The following CBX5 variants were observed in gnomAD, a reference collection of about 807,000 sequenced individuals.
CBX5 encodes chromobox 5.
A neutral mutation model predicts 20.7 loss-of-function variants in CBX5; 7 were observed. The ratio of observed to expected loss-of-function variants is 0.34; its 90% confidence interval spans 0.19 to 0.63. CBX5 has a LOEUF of 0.63. CBX5 is among the 30% of genes least tolerant of loss of function. The probability of loss-of-function intolerance (pLI) is 0.75; values close to 1 mark genes in which losing one functional copy is unlikely to be tolerated. For missense variants in CBX5, 110 were observed against 224.1 expected (o/e 0.49, Z 3.25); for synonymous variants, 78 against 77.0 (o/e 1.01, Z -0.07).
chr12:54,237,207 T>C lies in CBX5; in HGVS notation c.*4548A>G, dbSNP rs556625958. 3 of 152,264 alleles carry C rather than the reference T, an allele frequency of 2.0e-5. No individual in the cohort carries two copies. The highest frequency in any genetic ancestry group is 3.9e-4 in the East Asian group (2 of 5,182). 9.4% of individuals were successfully genotyped at this position (152,264 alleles called of 1,614,324 possible). ...TCCACTATTCTGTCTATAATGAGAA[T>C]ATATCAATAGCAGGAAATCTACTTT... On this transcript the variant is annotated 3_prime_UTR_variant, in exon 5 of 5. Coordinates refer to ENST00000209875, the MANE Select transcript of CBX5 (RefSeq NM_012117.3).
intron 1 of CBX5, among the ~76,000 whole-genome samples, chr12:54,268,068 C>T (rs892801294): frequency 6.6e-6 from 1 of 152,064 alleles, no homozygotes; most frequent in Non-Finnish European, 1.5e-5. Context: ...CGCTTGAACC[C>T]GGGAGACGGA....
At chr12:54,258,628 TGCACACCAGGGG>T (rs1700126349) in intron 1 of CBX5, among the ~76,000 whole-genome samples, 1 of 152,228 alleles carries the variant, frequency 6.6e-6, no homozygotes, top group Non-Finnish European at 1.5e-5. Flanking sequence ...CTCAGAAATA[TGCACACCAGGGG>T]GTACTCAACA....
chr12:54,236,928 G>C lies in CBX5; in HGVS notation c.*4827C>G, dbSNP rs961243470. The C allele has an allele frequency of 6.6e-6, 1 of 152,128 alleles. No individual in the cohort carries two copies. The highest frequency in any genetic ancestry group is 2.4e-5 in the African/African-American group (1 of 41,416). 9.4% of individuals were successfully genotyped at this position (152,128 alleles called of 1,614,324 possible). ...AACCTTCCCCAATGCCCTGTGGTTT[G>C]GCCTGAACATAGGGAAAATGGACTG... On this transcript the variant is annotated 3_prime_UTR_variant, in exon 5 of 5. Coordinates refer to ENST00000209875, the MANE Select transcript of CBX5 (RefSeq NM_012117.3).
intron 4 of CBX5, among the ~76,000 whole-genome samples, chr12:54,244,167 AT>A (rs924975480): frequency 9.4e-4 from 132 of 139,792 alleles, no homozygotes; most frequent in Admixed American, 2.3e-3. Context: ...AAGCCTGGCT[AT>A]TTTTTTTTTT....
chr12:54,271,505 T>C (rs1307312212), intron 1 of CBX5, among the ~76,000 whole-genome samples: 2 of 152,170 alleles, frequency 1.3e-5, no homozygotes, highest in Non-Finnish European at 2.9e-5. Flanking sequence ...TTTGTATTTT[T>C]AGTAGACAGG....
intron 1 of CBX5, among the ~76,000 whole-genome samples, chr12:54,274,874 A>G (rs1944046017): frequency 6.6e-6 from 1 of 151,120 alleles, no homozygotes; most frequent in African/African-American, 2.4e-5. Context: ...CGGGAGGCAG[A>G]GGTTGCAGTG....
chr12:54,243,015 T>A (rs932063209), intron 4 of CBX5, among the ~76,000 whole-genome samples: 1 of 151,914 alleles, frequency 6.6e-6, no homozygotes, highest in African/African-American at 2.4e-5. Flanking sequence ...TCCCAGCTAC[T>A]TGGGAGGCTG....
chr12:54,251,370 T>C (rs896737132), intron 3 of CBX5, among the ~76,000 whole-genome samples: 1 of 151,472 alleles, frequency 6.6e-6, no homozygotes, highest in African/African-American at 2.4e-5. Context: ...TACAAAAAAA[T>C]TAGCTGGGCG....
intron 2 of CBX5, among the ~76,000 whole-genome samples, chr12:54,255,259 T>G (rs1265626599): frequency 6.6e-6 from 1 of 152,120 alleles, no homozygotes; most frequent in Non-Finnish European, 1.5e-5. Context: ...AGACCCTGTC[T>G]CTATTTTGAA....
At chr12:54,257,836 A>G in intron 1 of CBX5, 144 bp from the exon 2 acceptor site, 1 of 594,062 alleles carries the variant, frequency 1.7e-6, no homozygotes, top group South Asian at 2.3e-5. Flanking sequence ...ATGAGTCCTA[A>G]GAGTTTAATT....
intron 1 of CBX5, among the ~76,000 whole-genome samples, chr12:54,278,183 T>C (rs1421351971): frequency 6.6e-6 from 1 of 152,206 alleles, no homozygotes; most frequent in African/African-American, 2.4e-5. Flanking sequence ...TGTTGCTAAA[T>C]ATTTTACTAT....
At chr12:54,276,607 C>A (rs1944070588) in intron 1 of CBX5, 1 of 152,206 alleles carries the variant, frequency 6.6e-6, no homozygotes, top group Non-Finnish European at 1.5e-5. Flanking sequence ...GGAACTGACT[C>A]AGAAAGCAAT....
intron 1 of CBX5, chr12:54,274,402 C>T (rs1044232949): frequency 1.3e-5 from 2 of 152,156 alleles, no homozygotes; most frequent in African/African-American, 4.8e-5. Context: ...TGCCCAGAGT[C>T]CGAGTTCACG....
intron 1 of CBX5, chr12:54,271,967 A>G (rs1944014761): frequency 6.6e-6 from 1 of 152,212 alleles, no homozygotes; most frequent in Admixed American, 6.5e-5. Context: ...GTTGTGAAAC[A>G]CTGAACAAAT....
chr12:54,263,908 T>C (rs1943936111), intron 1 of CBX5, among the ~76,000 whole-genome samples: 2 of 150,788 alleles, frequency 1.3e-5, no homozygotes, highest in East Asian at 3.9e-4. Context: ...CCAGATGTGG[T>C]GGCGGGAGCC....
chr12:54,272,871 TAAAG>T (rs1465835438), intron 1 of CBX5: 1 of 152,322 alleles, frequency 6.6e-6, no homozygotes, highest in East Asian at 1.9e-4. Flanking sequence ...CCCTATAAGA[TAAAG>T]AAACTAAGGA....
chr12:54,241,936 A>C, intron 4 of CBX5, 31 bp from the exon 5 acceptor site: 4 of 1,601,688 alleles, frequency 2.5e-6, no homozygotes, highest in Non-Finnish European at 3.4e-6. Context: ...ACTTAAAAGG[A>C]GAGGAAGAGT....
rs1437309943 is a variant in CBX5, at chr12:54,236,120, C to T, written c.*5635G>A. The T allele has an allele frequency of 1.3e-5, 2 of 152,154 alleles. No homozygotes were observed. The highest frequency in any genetic ancestry group is 2.1e-4 in the South Asian group (1 of 4,830). 9.4% of individuals were successfully genotyped at this position (152,154 alleles called of 1,614,324 possible). ...TTATAGGTCTTTTCCACATATAGGC[C>T]GAAATTAATGTCAACTTCTTACTCC... is the stretch of plus-strand genomic sequence containing the variant. On this transcript the variant is annotated 3_prime_UTR_variant, in exon 5 of 5. Coordinates refer to ENST00000209875, the MANE Select transcript of CBX5 (RefSeq NM_012117.3).
chr12:54,273,709 T>G (rs374767639), intron 1 of CBX5: 7 of 152,214 alleles, frequency 4.6e-5, no homozygotes, highest in African/African-American at 1.4e-4. Context: ...AATCAGAAGC[T>G]AAAAGAGGCA....
Sources: allele counts gnomAD v4.1 joint callset (sites outside exome capture counted in the v4.1 genomes callset), GRCh38; gene constraint gnomAD v4.1.1; transcripts MANE v1.5; gene names NCBI Gene and HGNC (gene_info 2026-07-23, HGNC 2026-07-21).